SRPK2: variants seen among roughly 807,000 people sequenced by gnomAD.
The protein encoded by SRPK2 is SRSF protein kinase 2.
In SRPK2, 21 loss-of-function variants were observed where a neutral mutation model predicts 90.8. The ratio of observed to expected loss-of-function variants is 0.23; its 90% CI spans 0.16 to 0.33. SRPK2 has a LOEUF of 0.33. SRPK2 is among the 10% of genes least tolerant of loss of function. The pLI is 1.00. For missense variants in SRPK2, 620 were observed against 869.0 expected (o/e 0.71, Z 3.60); for synonymous variants, 288 against 311.1 (o/e 0.93, Z 0.78).
intron 2 of SRPK2, among the ~76,000 whole-genome samples, chr7:105,236,723 A>G (rs1182959702): frequency 1.3e-5 from 2 of 152,210 alleles, no homozygotes; most frequent in Admixed American, 6.5e-5. Flanking sequence ...AGACAAGAGC[A>G]TACCAGTGTA....
intron 3 of SRPK2, among the ~76,000 whole-genome samples, chr7:105,198,475 G>A (rs978766705): frequency 6.6e-6 from 1 of 152,194 alleles, no homozygotes; most frequent in Admixed American, 6.5e-5. Context: ...AAACTGCACA[G>A]CCTACTGCTA....
chr7:105,384,755 C>A (rs565772185), intron 2 of SRPK2, among the ~76,000 whole-genome samples: 20 of 152,238 alleles, frequency 1.3e-4, no homozygotes, highest in Middle Eastern at 3.4e-3. Flanking sequence ...CCTGGAGATT[C>A]TTTTACCACT....
intron 2 of SRPK2, among the ~76,000 whole-genome samples, chr7:105,276,772 T>C (rs1235250880): frequency 1.3e-5 from 2 of 152,068 alleles, no homozygotes; most frequent in Admixed American, 1.3e-4. Flanking sequence ...TAAGGTTGCC[T>C]GAAATGACAG....
chr7:105,365,966 T>C (rs1241021093), intron 2 of SRPK2, among the ~76,000 whole-genome samples: 3 of 151,980 alleles, frequency 2.0e-5, no homozygotes, highest in Non-Finnish European at 2.9e-5. Context: ...GTGATTCTCC[T>C]GCCTCAGCCT....
intron 15 of SRPK2, among the ~76,000 whole-genome samples, chr7:105,125,402 A>G (rs1442616111): frequency 6.6e-6 from 1 of 152,194 alleles, no homozygotes; most frequent in Non-Finnish European, 1.5e-5. Context: ...GGCAGACCAA[A>G]AGCAATGTCC....
chr7:105,367,928 A>C (rs1302057778), intron 2 of SRPK2, among the ~76,000 whole-genome samples: 1 of 152,204 alleles, frequency 6.6e-6, no homozygotes, highest in Non-Finnish European at 1.5e-5. Context: ...TATTGAAAAA[A>C]ATTTCCACAG....
At chr7:105,185,358 A>C in intron 3 of SRPK2, among the ~76,000 whole-genome samples, 1 of 152,096 alleles carries the variant, frequency 6.6e-6, no homozygotes, top group Non-Finnish European at 1.5e-5. Flanking sequence ...TGGCTGTTTA[A>C]AACTAAAAGC....
At chr7:105,245,809 C>T (rs1476076114) in intron 2 of SRPK2, among the ~76,000 whole-genome samples, 3 of 152,148 alleles carry the variant, frequency 2.0e-5, no homozygotes, top group African/African-American at 7.2e-5. Context: ...GCCTTGAACT[C>T]CTGGGCTCAA....
chr7:105,143,633 C>T (rs888127738), intron 9 of SRPK2: 1 of 332,450 alleles, frequency 3.0e-6, no homozygotes, highest in Non-Finnish European at 5.5e-6. Flanking sequence ...ATTCTCTTGG[C>T]CTTAAAGGAG....
At chr7:105,255,703 G>A (rs530467207) in intron 2 of SRPK2, among the ~76,000 whole-genome samples, 8 of 152,064 alleles carry the variant, frequency 5.3e-5, no homozygotes, top group Non-Finnish European at 8.8e-5. Context: ...AGGCTGAGGC[G>A]GGCAGATCAC....
rs73715407 is a variant in SRPK2 at position 105,175,842 on chromosome 7, C to G, written c.230-6577G>C. 3.4e-3 allele frequency among the ~76,000 whole-genome samples: 511 copies of G among 152,082 alleles called. 2 individuals carry two copies. The highest frequency in any genetic ancestry group is 0.011 in the African/African-American group (476 of 41,498). On this transcript the variant is annotated intron_variant, in intron 3 of 15. Transcript: ENST00000393651. ...AAAAAAAATCTGAAAAACCATGTAT[C>G]TATTTTAAAAAATGAATTTATTGTT...
chr7:105,267,705 T>G (rs1025171236), intron 2 of SRPK2, among the ~76,000 whole-genome samples: 22 of 152,194 alleles, frequency 1.4e-4, no homozygotes, highest in African/African-American at 5.3e-4. Context: ...TACATCAGAT[T>G]ATGTCCTTCA....
At chr7:105,155,826 C>A (rs1465355019) in intron 7 of SRPK2, among the ~76,000 whole-genome samples, 1 of 152,178 alleles carries the variant, frequency 6.6e-6, no homozygotes, top group South Asian at 2.1e-4. Flanking sequence ...AGATAAAAAA[C>A]GGAAAGGTGC....
chr7:105,346,857 TAAA>T (rs34287828), intron 2 of SRPK2, among the ~76,000 whole-genome samples: 2 of 137,248 alleles, frequency 1.5e-5, no homozygotes, highest in Non-Finnish European at 1.5e-5. Flanking sequence ...TCTCATTTGT[TAAA>T]AAAAAAAAAA....
chr7:105,353,471 C>T (rs555578957), intron 2 of SRPK2, among the ~76,000 whole-genome samples: 11 of 152,024 alleles, frequency 7.2e-5, no homozygotes, highest in African/African-American at 2.7e-4. Flanking sequence ...TCCCAAGTAG[C>T]TGGGATTACA....
intron 2 of SRPK2, among the ~76,000 whole-genome samples, chr7:105,210,022 G>A (rs1796664930): frequency 6.6e-6 from 1 of 152,090 alleles, no homozygotes; most frequent in Admixed American, 6.5e-5. Flanking sequence ...TCAGAAAAGG[G>A]AGGAAAAACT....
intron 2 of SRPK2, among the ~76,000 whole-genome samples, chr7:105,222,399 G>A (rs1416220135): frequency 1.3e-5 from 2 of 152,000 alleles, no homozygotes; most frequent in African/African-American, 4.8e-5. Context: ...TTCCTTTTTA[G>A]GAAAATATTA....
At chr7:105,380,386 T>C (rs1196546030) in intron 2 of SRPK2, among the ~76,000 whole-genome samples, 4 of 152,092 alleles carry the variant, frequency 2.6e-5, no homozygotes, top group African/African-American at 7.2e-5. Flanking sequence ...CACTGATCTT[T>C]AAAAGATCAA....
chr7:105,349,389 G>A (rs1005476512), intron 2 of SRPK2, among the ~76,000 whole-genome samples: 2 of 151,740 alleles, frequency 1.3e-5, no homozygotes, highest in African/African-American at 4.8e-5. Context: ...GGGCATGGTG[G>A]CGCATGCCTG....
Sources: gnomAD v4.1 joint callset for allele counts (sites outside exome capture counted in the v4.1 genomes callset) on GRCh38, gnomAD v4.1.1 for gene constraint, MANE v1.5 for transcripts, NCBI Gene and HGNC (gene_info 2026-07-23, HGNC 2026-07-21) for gene names.